SMIM14: variants seen among roughly 807,000 people sequenced by gnomAD.
SMIM14 encodes small integral membrane protein 14, also known as chromosome 4 open reading frame 34.
A neutral mutation model predicts 12.6 loss-of-function variants in SMIM14; 5 were observed. The ratio of observed to expected loss-of-function variants is 0.40; its 90% confidence interval spans 0.21 to 0.83. The LOEUF is 0.83. SMIM14 is among the 40% of genes least tolerant of loss of function. The pLI is 0.37. For missense variants in SMIM14, 86 were observed against 119.1 expected (o/e 0.72, Z 1.29); for synonymous variants, 30 against 40.1 (o/e 0.75, Z 0.95).
intron 1 of SMIM14, among the ~76,000 whole-genome samples, chr4:39,619,237 TA>T (rs1715347881): frequency 1.5e-5 from 2 of 135,296 alleles, no homozygotes; most frequent in African/African-American, 5.3e-5. Flanking sequence ...TATATATCAA[TA>T]AATATAATTT....
At position 39,547,048 on chromosome 4, in the gene SMIM14, G is replaced by C. The variant is rs1747372115; in HGVS notation, c.*5078C>G. On this transcript the variant is annotated 3_prime_UTR_variant, in exon 5 of 5. Transcript: ENST00000295958. ...ACCTGGTATTCTAGGAAGAGAGAGA[G>C]AAAGAAAATAACCAAAGAAATGTGA... The C allele has an allele frequency of 6.6e-6, 1 of 152,228 alleles. No homozygotes were observed. The highest frequency in any genetic ancestry group is 2.4e-5 in the African/African-American group (1 of 41,562). The allele number at this position is 152,228 out of a possible 1,614,324, so 9.4% of individuals were successfully genotyped here. A position where few individuals can be genotyped will look rare whatever the true frequency, so the allele number is the denominator to read the frequency against.
intron 3 of SMIM14, among the ~76,000 whole-genome samples, chr4:39,561,891 C>G (rs924331993): frequency 1.3e-5 from 2 of 152,076 alleles, no homozygotes; most frequent in African/African-American, 4.8e-5. Flanking sequence ...CGAGATCGTG[C>G]CACTGCACTC....
At chr4:39,556,164 A>G (rs1712002263) in intron 4 of SMIM14, among the ~76,000 whole-genome samples, 1 of 147,818 alleles carries the variant, frequency 6.8e-6, no homozygotes, top group African/African-American at 2.5e-5. Context: ...CCCTGTCTGA[A>G]AAAAAAAAAA....
At chr4:39,637,513 C>CTGTT (rs1716140930) in intron 1 of SMIM14, among the ~76,000 whole-genome samples, 1 of 151,014 alleles carries the variant, frequency 6.6e-6, no homozygotes, top group African/African-American at 2.4e-5. Context: ...CTATCACGTA[C>CTGTT]TGTTGTTCTT....
At chr4:39,577,240 C>T (rs1414160684) in intron 2 of SMIM14, among the ~76,000 whole-genome samples, 1 of 151,872 alleles carries the variant, frequency 6.6e-6, no homozygotes, top group Non-Finnish European at 1.5e-5. Flanking sequence ...ATATGAGTAT[C>T]TATAGAACCA....
intron 3 of SMIM14, among the ~76,000 whole-genome samples, chr4:39,565,131 T>C (rs953157916): frequency 1.1e-4 from 17 of 152,060 alleles, no homozygotes; most frequent in African/African-American, 3.6e-4. Flanking sequence ...GGTGGGAGGA[T>C]TGCTTGAGCC....
chr4:39,595,355 G>A (rs1714308827), intron 2 of SMIM14, among the ~76,000 whole-genome samples: 1 of 134,982 alleles, frequency 7.4e-6, no homozygotes, highest in Admixed American at 8.2e-5. Flanking sequence ...ATTGAACAAT[G>A]AGAACACATG....
intron 1 of SMIM14, 195 bp downstream of exon 1, chr4:39,638,544 G>A (rs951135503): frequency 2.0e-6 from 2 of 985,398 alleles, no homozygotes; most frequent in Non-Finnish European, 2.4e-6. Context: ...CTTCGCGGGG[G>A]ACGCGGGCTC....
intron 3 of SMIM14, among the ~76,000 whole-genome samples, chr4:39,570,163 G>GT (rs1158566337): frequency 4.6e-4 from 69 of 150,348 alleles, no homozygotes; most frequent in East Asian, 2.7e-3. Context: ...TCTTTTTTTT[G>GT]TTTTTTTTTC....
At chr4:39,577,074 T>TATATTTGAATACAAAC (rs147519178) in intron 2 of SMIM14, among the ~76,000 whole-genome samples, 23,215 of 151,742 alleles carry the variant, frequency 0.15, 2,221 homozygotes, top group South Asian at 0.32. Flanking sequence ...TAATATTTGA[T>TATATTTGAATACAAAC]ATATTTTAAC....
chr4:39,558,545 T>C lies in SMIM14; in HGVS notation c.125-1975A>G, dbSNP rs1024734498. Among the ~76,000 whole-genome samples the C allele has an allele frequency of 3.9e-5, 6 of 152,126 alleles. No homozygotes were observed. The highest frequency in any genetic ancestry group is 1.4e-4 in the African/African-American group (6 of 41,434). On this transcript the variant is annotated intron_variant, in intron 3 of 4. Coordinates refer to ENST00000295958, the MANE Select transcript of SMIM14 (RefSeq NM_174921.3). The surrounding 1 kb of genome is among the most constrained non-coding windows in gnomAD (Gnocchi z 4.3). ...TATACACAGTGGGCTCCGTGGGAAC[T>C]TGCATAGGGCGGAGTGGGCTTACCT... is the stretch of plus-strand genomic sequence containing the variant.
At chr4:39,610,798 T>C (rs1009281489) in intron 1 of SMIM14, among the ~76,000 whole-genome samples, 27 of 152,046 alleles carry the variant, frequency 1.8e-4, no homozygotes, top group African/African-American at 6.3e-4. Context: ...GTTGTCAATT[T>C]TTACATTTCT....
At chr4:39,562,382 C>CCAAACAAA (rs113037747) in intron 3 of SMIM14, among the ~76,000 whole-genome samples, 2 of 151,658 alleles carry the variant, frequency 1.3e-5, no homozygotes, top group Non-Finnish European at 2.9e-5. Flanking sequence ...GTCTCAACCC[C>CCAAACAAA]CAAACAAACA....
At chr4:39,563,421 C>G (rs10213270) in intron 3 of SMIM14, among the ~76,000 whole-genome samples, 18,747 of 152,150 alleles carry the variant, frequency 0.12, 2,650 homozygotes, top group African/African-American at 0.35. Flanking sequence ...TAGCCTGTGA[C>G]AGTATCAACA....
rs1401284750 is a variant in SMIM14 at position 39,623,618 on chromosome 4, G to A, written c.-36+15121C>T. Among the ~76,000 whole-genome samples, 5 of 152,158 alleles carry A rather than the reference G, an allele frequency of 3.3e-5. No homozygotes were observed. The South Asian group carries it at 6.2e-4, about 19-fold the overall frequency. On this transcript the variant is annotated intron_variant, in intron 1 of 4. Transcript: ENST00000295958. ...CTCATGCCTGTAATCCCAGCACTTT[G>A]GGAGGCCAAGAAGGTTGGATCACCT...
chr4:39,601,108 A>C (rs1714593866), intron 2 of SMIM14, among the ~76,000 whole-genome samples: 2 of 152,138 alleles, frequency 1.3e-5, no homozygotes, highest in Admixed American at 1.3e-4. Flanking sequence ...TATGAAAAGG[A>C]ACTAATAATA....
At position 39,558,887 on chromosome 4, in the gene SMIM14, T is replaced by C. The variant is rs1712143157; in HGVS notation, c.125-2317A>G. Among the ~76,000 whole-genome samples the C allele has an allele frequency of 6.6e-6, 1 of 152,038 alleles. No individual in the cohort carries two copies. Among genetic ancestry groups the C allele is most frequent in the Non-Finnish European group, 1.5e-5 (1 of 68,010 alleles). ...CCATGCCTGGCTAACTTTTTGTATC[T>C]TTAGTAGAGATGGGGTTTCACCATG... On this transcript the variant is annotated intron_variant, in intron 3 of 4. Coordinates refer to ENST00000295958, the MANE Select transcript of SMIM14 (RefSeq NM_174921.3). The surrounding 1 kb of genome is among the most constrained non-coding windows in gnomAD (Gnocchi z 4.3).
intron 1 of SMIM14, among the ~76,000 whole-genome samples, chr4:39,622,380 C>A (rs1408644848): frequency 6.6e-6 from 1 of 151,076 alleles, no homozygotes; most frequent in African/African-American, 2.4e-5. Flanking sequence ...CCGCGCCCGG[C>A]CACAAATGCA....
At chr4:39,602,359 C>T (rs62307833) in intron 2 of SMIM14, among the ~76,000 whole-genome samples, 1 of 151,656 alleles carries the variant, frequency 6.6e-6, no homozygotes, top group Non-Finnish European at 1.5e-5. Flanking sequence ...CTTTGGGAGG[C>T]CGAGGCAGGC....
Sources: gnomAD v4.1 joint callset for allele counts (sites outside exome capture counted in the v4.1 genomes callset) on GRCh38, gnomAD v4.1.1 for gene constraint, Gnocchi (gnomAD v3.1) non-coding constraint, MANE v1.5 for transcripts, NCBI Gene and HGNC (gene_info 2026-07-23, HGNC 2026-07-21) for gene names.